The following CALN1 variants were observed in gnomAD, a reference collection of about 807,000 sequenced individuals.
The protein encoded by CALN1 is calneuron 1.
A neutral mutation model predicts 30.6 loss-of-function variants in CALN1; 17 were observed. That is an observed-to-expected ratio of 0.56 (90% CI 0.38 to 0.83). The LOEUF is 0.83. Among genes scored for constraint, CALN1 ranks in the 40% least tolerant of loss-of-function variants. The pLI, the probability that CALN1 is intolerant of heterozygous loss-of-function variation, is 0.00. For missense variants in CALN1, 291 were observed against 354.9 expected (o/e 0.82, Z 1.45); for synonymous variants, 156 against 131.4 (o/e 1.19, Z -1.28).
chr7:72,141,730 G>A (rs1335403280), intron 3 of CALN1, among the ~76,000 whole-genome samples: 1 of 152,012 alleles, frequency 6.6e-6, no homozygotes, highest in African/African-American at 2.4e-5. Flanking sequence ...CACCATGCCT[G>A]GCTAATTTTT....
intron 5 of CALN1, among the ~76,000 whole-genome samples, chr7:71,980,190 T>C (rs1489327321): frequency 1.3e-3 from 194 of 146,780 alleles, no homozygotes; most frequent in African/African-American, 4.5e-3. Flanking sequence ...TCTTTTTCTT[T>C]TTTTTTTTTT....
chr7:72,346,628 G>A (rs1802654405), intron 2 of CALN1, among the ~76,000 whole-genome samples: 1 of 152,080 alleles, frequency 6.6e-6, no homozygotes, highest in Non-Finnish European at 1.5e-5. Context: ...CGATTCTCCT[G>A]CCTCAGCCTC....
intron 3 of CALN1, among the ~76,000 whole-genome samples, chr7:72,223,536 G>A (rs962566412): frequency 6.6e-6 from 1 of 152,120 alleles, no homozygotes; most frequent in South Asian, 2.1e-4. Context: ...AAAAGAGCAG[G>A]ACATTCCCTG....
chr7:72,114,752 G>C lies in CALN1; in HGVS notation c.245-8458C>G, dbSNP rs561091646. Among the ~76,000 whole-genome samples the C allele has an allele frequency of 4.9e-4, 74 of 152,052 alleles. 1 individual carries two copies. The highest frequency in any genetic ancestry group is 1.6e-3 in the African/African-American group (68 of 41,504). On this transcript the variant is annotated intron_variant, in intron 3 of 6. Coordinates refer to ENST00000395275, the MANE Select transcript of CALN1 (RefSeq NM_031468.4). ...CTCATGCCTGTAATCCCCACACTTT[G>C]GGAAGCCGAGGTGGGCAGATCACCT...
chr7:72,274,923 G>C (rs1415503159), intron 3 of CALN1, among the ~76,000 whole-genome samples: 1 of 152,116 alleles, frequency 6.6e-6, no homozygotes, highest in Non-Finnish European at 1.5e-5. Flanking sequence ...AGAAGAAATA[G>C]GGACTTCCCA....
chr7:72,021,779 C>T (rs1800723009), intron 5 of CALN1, among the ~76,000 whole-genome samples: 1 of 152,204 alleles, frequency 6.6e-6, no homozygotes, highest in African/African-American at 2.4e-5. Context: ...GAATCTCAAT[C>T]CGGTGTTCCA....
intron 5 of CALN1, among the ~76,000 whole-genome samples, chr7:71,811,662 T>C (rs2116212297): frequency 7.2e-6 from 1 of 139,114 alleles, no homozygotes; most frequent in Admixed American, 7.2e-5. Flanking sequence ...TTTGATAGTG[T>C]CGCTTTCTTT....
the CALN1 span, among the ~76,000 whole-genome samples, chr7:72,457,585 T>C: frequency 2.0e-5 from 3 of 152,048 alleles, no homozygotes; most frequent in East Asian, 5.8e-4. Flanking sequence ...GGAAACCTTA[T>C]CCCGAGTATC....
intron 4 of CALN1, among the ~76,000 whole-genome samples, chr7:72,097,401 G>A (rs573786839): frequency 6.6e-6 from 1 of 152,164 alleles, no homozygotes; most frequent in Non-Finnish European, 1.5e-5. Context: ...GATGCAGGAA[G>A]CTCTGAGATC....
intron 3 of CALN1, among the ~76,000 whole-genome samples, chr7:72,166,716 AGTTTACTT>A (rs1788549389): frequency 6.6e-6 from 1 of 152,220 alleles, no homozygotes; most frequent in African/African-American, 2.4e-5. Context: ...AATAGATCAG[AGTTTACTT>A]GTTGGCTACC....
In CALN1 at chr7:72,010,581, G is replaced by A. The variant is rs527258217; in HGVS notation, c.501+13076C>T. 7.9e-5 allele frequency among the ~76,000 whole-genome samples: 12 copies of A among 152,228 alleles called. No homozygotes were observed. The South Asian group carries it at 2.5e-3, about 32-fold the overall frequency. On this transcript the variant is annotated intron_variant, in intron 5 of 6. Coordinates refer to ENST00000395275, the MANE Select transcript of CALN1 (RefSeq NM_031468.4). ...AATCTCAGCACTTTGGGAGGCCGAG[G>A]TGGGCGAATCACCTGCATTCAGGAG...
intron 5 of CALN1, among the ~76,000 whole-genome samples, chr7:71,960,188 AAAAT>A (rs1309675919): frequency 0.017 from 2,620 of 150,106 alleles, 29 homozygotes; most frequent in Non-Finnish European, 0.027. Context: ...TAAATAAAAT[AAAAT>A]AAAAAAATAA....
intron 4 of CALN1, among the ~76,000 whole-genome samples, chr7:72,028,058 CAA>C (rs34092922): frequency 0.01 from 862 of 82,418 alleles, 2 homozygotes; most frequent in African/African-American, 0.027. Context: ...GACTCCGTCT[CAA>C]AAAAAAAAAA....
intron 5 of CALN1, among the ~76,000 whole-genome samples, chr7:71,987,227 G>A (rs1401014894): frequency 6.6e-6 from 1 of 152,176 alleles, no homozygotes; most frequent in African/African-American, 2.4e-5. Flanking sequence ...TTTTAAAGGG[G>A]CAACAGAAGG....
intron 2 of CALN1, among the ~76,000 whole-genome samples, chr7:72,301,105 G>T (rs1214746751): frequency 1.3e-5 from 2 of 152,190 alleles, no homozygotes; most frequent in Non-Finnish European, 2.9e-5. Flanking sequence ...CATCTTTACA[G>T]ACGTAATTGG....
intron 2 of CALN1, among the ~76,000 whole-genome samples, chr7:72,295,323 TA>T (rs1224578554): frequency 7.8e-4 from 117 of 150,180 alleles, no homozygotes; most frequent in African/African-American, 2.6e-3. Context: ...AAACAATACT[TA>T]TTTTTTTTAA....
intron 2 of CALN1, among the ~76,000 whole-genome samples, chr7:72,377,096 G>A (rs187652624): frequency 6.6e-6 from 1 of 152,104 alleles, no homozygotes; most frequent in Admixed American, 6.5e-5. Flanking sequence ...CTGTAGCCTT[G>A]TAGTAAGTTT....
At chr7:72,149,812 C>CT (rs1787081924) in intron 3 of CALN1, among the ~76,000 whole-genome samples, 1 of 152,082 alleles carries the variant, frequency 6.6e-6, no homozygotes, top group South Asian at 2.1e-4. Context: ...ACAGGCACTG[C>CT]TATAGGAGTT....
chr7:71,871,792 C>T (rs746007658), intron 5 of CALN1, among the ~76,000 whole-genome samples: 12 of 151,940 alleles, frequency 7.9e-5, no homozygotes, highest in Non-Finnish European at 1.8e-4. Flanking sequence ...TTTCAAATAT[C>T]ACCTTTTCAG....
Sources: allele counts gnomAD v4.1 joint callset (sites outside exome capture counted in the v4.1 genomes callset), GRCh38; gene constraint gnomAD v4.1.1; transcripts MANE v1.5; gene names NCBI Gene and HGNC (gene_info 2026-07-23, HGNC 2026-07-21).